POLD1: variants seen among roughly 807,000 people sequenced by gnomAD.
POLD1 encodes DNA polymerase delta 1, catalytic subunit.
Under a neutral mutation model 129.7 loss-of-function variants are expected in POLD1, and 79 were observed. That is an observed-to-expected ratio of 0.61 (90% CI 0.51 to 0.73). The LOEUF (loss-of-function observed/expected upper bound fraction) is 0.73, where lower values mean the gene tolerates loss of function less well. POLD1 is among the 30% of genes least tolerant of loss of function. The pLI is 0.00. For missense variants in POLD1, 1,338 were observed against 1,595.8 expected (o/e 0.84, Z 2.75); for synonymous variants, 714 against 683.3 (o/e 1.04, Z -0.70).
At chr19:50,387,225 G>T (rs1170441683) in intron 1 of POLD1, among the ~76,000 whole-genome samples, 1 of 152,174 alleles carries the variant, frequency 6.6e-6, no homozygotes, top group Non-Finnish European at 1.5e-5. Context: ...GCTGAGGCAG[G>T]AGAATCACTT....
Position 50,415,597 on chromosome 19 carries a change from C to G in POLD1, c.2717+7C>G. ...ACGTGGAGCTGGCCGAGAGGTCCTG[C>G]GCGGGGCGGGTGGCCTGGCCAGAAA... is the stretch of plus-strand genomic sequence containing the variant. On this transcript the variant is annotated splice_region_variant and intron_variant, in intron 21 of 26. Transcript: ENST00000440232. The G allele has an allele frequency of 1.9e-6, 3 of 1,608,740 alleles. No homozygotes were observed. Among genetic ancestry groups the G allele is most frequent in the East Asian group, 2.2e-5 (1 of 44,734 alleles).
intron 1 of POLD1, among the ~76,000 whole-genome samples, chr19:50,390,951 G>A (rs1002385053): frequency 1.3e-5 from 2 of 152,158 alleles, no homozygotes; most frequent in African/African-American, 4.8e-5. Flanking sequence ...AGAACAAAAT[G>A]GAGTCTCCTA....
intron 1 of POLD1, among the ~76,000 whole-genome samples, chr19:50,388,088 A>G (rs115197526): frequency 1.6e-3 from 247 of 152,356 alleles, no homozygotes; most frequent in African/African-American, 5.7e-3. Context: ...GCATATTCCA[A>G]GATCCCATTT....
intron 26 of POLD1, 25 bp from the exon 27 acceptor site, chr19:50,417,817 A>AACCTGC (rs1555793853): frequency 1.3e-5 from 20 of 1,482,360 alleles, no homozygotes; most frequent in Admixed American, 3.7e-5. Flanking sequence ...GCTGGTCCTG[A>AACCTGC]CCCTGCCCCT....
chr19:50,414,691 G>C, intron 19 of POLD1, 124 bp from the exon 20 acceptor site: 1 of 743,236 alleles, frequency 1.3e-6, no homozygotes, highest in Non-Finnish European at 2.1e-6. Flanking sequence ...ACCAGGCTCA[G>C]GGCACGGCTC....
chr19:50,415,685 C>CCCCCA, intron 21 of POLD1, 39 bp from the exon 22 acceptor site: 3 of 1,463,212 alleles, frequency 2.1e-6, no homozygotes, highest in Non-Finnish European at 2.8e-6. Flanking sequence ...CCCCGCCACC[C>CCCCCA]ACCTGCCCTC....
At position 50,417,082 on chromosome 19, in the gene POLD1, G is replaced by C. The variant is rs757102306; in HGVS notation, c.3105G>C (p.Glu1035Asp). ...VCEFCQPRES[E>D]LYQKEVSHLN... ...AGTTCTGCCAGCCCCGGGAGTCTGA[G>C]CTGTATCAGAAGGAGGTGAGAGGGC... The change falls in exon 25 of 27, where the codon GAG becomes GAC. Residue 1035 changes from glutamate (E) to aspartate (D), a missense_variant. Coordinates refer to ENST00000440232, the MANE Select transcript of POLD1 (RefSeq NM_002691.4). 1 of 1,556,722 alleles carries C rather than the reference G, an allele frequency of 6.4e-7. No individual in the cohort carries two copies. The highest frequency in any genetic ancestry group is 1.2e-5 in the South Asian group (1 of 84,698).
At chr19:50,401,391 A>ATTTTTT (rs1203165864) in intron 3 of POLD1, among the ~76,000 whole-genome samples, 5 of 65,946 alleles carry the variant, frequency 7.6e-5, no homozygotes, top group Non-Finnish European at 1.3e-4. Context: ...ATATATATAT[A>ATTTTTT]TTTTTTTTTT....
At chr19:50,415,677 C>T (rs1294689582) in intron 21 of POLD1, 47 bp from the exon 22 acceptor site, 1 of 1,449,402 alleles carries the variant, frequency 6.9e-7, no homozygotes. Flanking sequence ...GCCCCCACCC[C>T]CGCCACCCAC....
chr19:50,387,154 C>T (rs2038000392), intron 1 of POLD1, among the ~76,000 whole-genome samples: 2 of 151,946 alleles, frequency 1.3e-5, no homozygotes, highest in South Asian at 2.1e-4. Flanking sequence ...TGGTGAAACT[C>T]TACTAAAAAT....
intron 3 of POLD1, 127 bp from the exon 4 acceptor site, chr19:50,401,651 G>T (rs190101092): frequency 1.9e-5 from 19 of 1,010,526 alleles, no homozygotes; most frequent in Admixed American, 1.2e-4. Context: ...GGCTGAAATG[G>T]ACACAGGGAA....
intron 20 of POLD1, 36 bp from the exon 21 acceptor site, chr19:50,415,402 C>T: frequency 1.9e-6 from 3 of 1,593,192 alleles, no homozygotes; most frequent in South Asian, 1.1e-5. Context: ...GCCCTCAGTG[C>T]CTTTTGGTGA....
intron 1 of POLD1, among the ~76,000 whole-genome samples, chr19:50,391,915 C>T (rs1003056135): frequency 1.3e-5 from 2 of 151,772 alleles, no homozygotes; most frequent in African/African-American, 4.8e-5. Flanking sequence ...GGGGTTTTCA[C>T]CACGTTGGCC....
intron 9 of POLD1, 116 bp from the exon 10 acceptor site, chr19:50,403,377 T>C: frequency 9.0e-7 from 1 of 1,116,718 alleles, no homozygotes; most frequent in Non-Finnish European, 1.3e-6. Flanking sequence ...CTTGAGCACT[T>C]CCCCTCTGGG....
At chr19:50,412,024 G>A (rs1299549230) in intron 17 of POLD1, among the ~76,000 whole-genome samples, 2 of 152,152 alleles carry the variant, frequency 1.3e-5, no homozygotes, top group African/African-American at 4.8e-5. Flanking sequence ...GCTCATGCCT[G>A]TAGTTGCAGC....
chr19:50,414,913 G>A lies in POLD1; in HGVS notation c.2487G>A (p.Leu829=), dbSNP rs2039219623. The part of the protein sequence containing the change: ...DAHDRMDCKG[L]EAVRRDNCPL... ...ACGACCGCATGGACTGCAAGGGCCT[G>A]GAGGCCGTGCGCAGGGACAACTGCC... Residue 829 remains leucine, a synonymous_variant, in exon 20 of 27, where the codon CTG becomes CTA. Transcript: ENST00000440232. The A allele has an allele frequency of 6.2e-7, 1 of 1,610,466 alleles. No homozygotes were observed. Among genetic ancestry groups the A allele is most frequent in the South Asian group, 1.1e-5 (1 of 90,756 alleles).
rs774175513 is a variant in POLD1 at position 50,417,796 on chromosome 19, A to G, written c.3219-46A>G. The G allele has an allele frequency of 4.2e-6, 5 of 1,198,034 alleles. No homozygotes were observed. In the South Asian group the frequency reaches 6.4e-5, roughly 15 times the overall value. 74.2% of individuals were successfully genotyped at this position (1,198,034 alleles called of 1,614,324 possible). A position where few individuals can be genotyped will look rare whatever the true frequency, so the allele number is the denominator to read the frequency against. Reference sequence around the variant, plus strand: ...CCCCCACCCCTCTCCCAGGCTGGGCACTGGGCCTTGGCTGGTCCTGACCCT... The same window carrying G: ...CCCCCACCCCTCTCCCAGGCTGGGCGCTGGGCCTTGGCTGGTCCTGACCCT... On this transcript the variant is annotated intron_variant, in intron 26 of 26. Transcript: ENST00000440232.
At chr19:50,393,585 G>A (rs2038241757) in intron 1 of POLD1, among the ~76,000 whole-genome samples, 1 of 152,156 alleles carries the variant, frequency 6.6e-6, no homozygotes, top group Admixed American at 6.6e-5. Context: ...AGGATCACCT[G>A]AGCCCGGGAG....
At chr19:50,397,773 TG>T (rs1161279570) in intron 1 of POLD1, among the ~76,000 whole-genome samples, 2 of 152,280 alleles carry the variant, frequency 1.3e-5, no homozygotes, top group Non-Finnish European at 2.9e-5. Context: ...ATGTGTTTTG[TG>T]TTGTGTTTTG....
Sources: gnomAD v4.1 joint callset for allele counts (sites outside exome capture counted in the v4.1 genomes callset) on GRCh38, gnomAD v4.1.1 for gene constraint, MANE v1.5 for transcripts, NCBI Gene and HGNC (gene_info 2026-07-23, HGNC 2026-07-21) for gene names.